SLK: variants seen among roughly 807,000 people sequenced by gnomAD.
SLK encodes the protein STE20-like serine/threonine-protein kinase.
In SLK, 67 loss-of-function variants were observed where a neutral mutation model predicts 147.7. The ratio of observed to expected loss-of-function variants is 0.45; its 90% CI spans 0.37 to 0.56. The LOEUF (loss-of-function observed/expected upper bound fraction) is 0.56. SLK is among the 20% of genes least tolerant of loss of function. The pLI is 0.00. For synonymous variants in SLK, 441 were observed against 475.0 expected, an observed-to-expected ratio of 0.93 and a Z score of 0.93; for missense variants, 1,136 against 1,438.8, an observed-to-expected ratio of 0.79 and a Z score of 3.41.
intron 2 of SLK, 52 bp from the exon 3 acceptor site, chr10:103,992,545 CA>C (rs1476724817): frequency 6.7e-7 from 1 of 1,484,934 alleles, no homozygotes; most frequent in Non-Finnish European, 9.0e-7. Flanking sequence ...TACTGAAACT[CA>C]AAACTCCATG....
intron 1 of SLK, among the ~76,000 whole-genome samples, chr10:103,976,329 A>G (rs1843870749): frequency 6.6e-6 from 1 of 152,306 alleles, no homozygotes; most frequent in Middle Eastern, 3.4e-3. Context: ...TAGGTTATAC[A>G]TATCTTCCAA....
At chr10:103,972,653 A>C (rs966384517) in intron 1 of SLK, among the ~76,000 whole-genome samples, 19 of 144,274 alleles carry the variant, frequency 1.3e-4, no homozygotes, top group South Asian at 4.6e-4. Context: ...GCCTGGGCGA[A>C]AGAGCAAGAC....
chr10:103,986,679 T>G (rs1215329841), intron 1 of SLK, among the ~76,000 whole-genome samples: 1 of 141,464 alleles, frequency 7.1e-6, no homozygotes, highest in African/African-American at 2.6e-5. Flanking sequence ...TTTTTTTTTT[T>G]TTTTTTTTTT....
Position 104,026,312 on chromosome 10 carries a change from T to A in SLK, c.*592T>A, listed in dbSNP as rs917560711. 4 of 152,672 alleles carry A rather than the reference T, an allele frequency of 2.6e-5. No individual in the cohort carries two copies. Among genetic ancestry groups the A allele is most frequent in the African/African-American group, 9.6e-5 (4 of 41,476 alleles). The allele number at this position is 152,672 out of a possible 1,614,324, so 9.5% of individuals were successfully genotyped here. A position where few individuals can be genotyped will look rare whatever the true frequency, so the allele number is the denominator to read the frequency against. On this transcript the variant is annotated 3_prime_UTR_variant, in exon 19 of 19. Coordinates refer to ENST00000369755, the MANE Select transcript of SLK (RefSeq NM_014720.4). The stretch of plus-strand genomic sequence containing the variant: ...AATTACCTCTTTTGGCATGAGCTAA[T>A]AATTGAGGGTGCTAATTTTCTTAAG...
Position 104,002,402 on chromosome 10 carries a change from A to G in SLK, c.1224A>G (p.Ala408=), listed in dbSNP as rs1307423261. ...NEHITDAQLE[A]MTELHDRTAV... The stretch of plus-strand genomic sequence containing the variant: ...ATATTACCGATGCTCAGTTAGAAGC[A>G]ATGACTGAACTCCATGACAGAACAG... The change falls in exon 9 of 19, where the codon GCA becomes GCG. Residue 408 remains alanine, a synonymous_variant. Transcript: ENST00000369755. 1.2e-6 allele frequency: 2 copies of G among 1,613,878 alleles called. No individual in the cohort carries two copies. The highest frequency in any genetic ancestry group is 1.7e-6 in the Non-Finnish European group (2 of 1,180,004).
At chr10:104,022,156 A>G (rs1844544112) in intron 18 of SLK, among the ~76,000 whole-genome samples, 1 of 152,072 alleles carries the variant, frequency 6.6e-6, no homozygotes, top group South Asian at 2.1e-4. Flanking sequence ...CGTACAGAGA[A>G]TTGTAGATCG....
Position 103,993,012 on chromosome 10 carries a change from A to G in SLK, c.393A>G (p.Gln131=), listed in dbSNP as rs1844121426. The part of the protein sequence containing the change: ...LELERPLTES[Q]IQVVCKQTLD... ...TTGAGAGACCATTAACTGAGTCCCAAATACAAGTAGTTTGCAAGCAGACTT... is the reference window on the plus strand; with the variant it reads ...TTGAGAGACCATTAACTGAGTCCCAGATACAAGTAGTTTGCAAGCAGACTT... The change falls in exon 4 of 19, where the codon CAA becomes CAG. Residue 131 remains glutamine (Q), a synonymous_variant. Coordinates refer to ENST00000369755, the MANE Select transcript of SLK (RefSeq NM_014720.4). 1.2e-6 allele frequency: 2 copies of G among 1,611,702 alleles called. No individual in the cohort carries two copies. Among genetic ancestry groups the G allele is most frequent in the Non-Finnish European group, 1.7e-6 (2 of 1,178,782 alleles).
chr10:103,999,459 A>C (rs537331762), intron 6 of SLK, 146 bp downstream of exon 6: 23 of 639,896 alleles, frequency 3.6e-5, no homozygotes, highest in Non-Finnish European at 6.1e-5. Flanking sequence ...GATTTTTGGT[A>C]TATTTCTCTT....
chr10:104,018,311 A>C, intron 14 of SLK, 22 bp downstream of exon 14: 2 of 1,586,294 alleles, frequency 1.3e-6, no homozygotes, highest in Non-Finnish European at 1.7e-6. Flanking sequence ...AAAATTAAGA[A>C]ATACTGCAAA....
At chr10:104,001,203 A>G (rs1255936014) in intron 7 of SLK, among the ~76,000 whole-genome samples, 1 of 152,070 alleles carries the variant, frequency 6.6e-6, no homozygotes, top group Non-Finnish European at 1.5e-5. Flanking sequence ...AATTCTTATC[A>G]TTTTTGATAA....
At chr10:104,022,671 G>A (rs1027797924) in intron 18 of SLK, among the ~76,000 whole-genome samples, 1 of 152,110 alleles carries the variant, frequency 6.6e-6, no homozygotes, top group Non-Finnish European at 1.5e-5. Context: ...GCAATGGTGC[G>A]ATCTCGGCTC....
chr10:103,999,173 C>T lies in SLK; in HGVS notation c.642C>T (p.Tyr214=). ...CATCTAAGGACAGACCCTATGACTA[C>T]AAAGCTGATGTTTGGTCCCTGGGTA... is the stretch of plus-strand genomic sequence containing the variant. ...CETSKDRPYD[Y]KADVWSLGIT... is the part of the protein sequence containing the mutation. Residue 214 remains tyrosine, a synonymous_variant, in exon 6 of 19, where the codon TAC becomes TAT. Coordinates refer to ENST00000369755, the MANE Select transcript of SLK (RefSeq NM_014720.4). 1 of 1,613,592 alleles carries T rather than the reference C, an allele frequency of 6.2e-7. No homozygotes were observed. The highest frequency in any genetic ancestry group is 8.5e-7 in the Non-Finnish European group (1 of 1,179,648).
At chr10:104,015,914 A>AT (rs34883333) in intron 13 of SLK, among the ~76,000 whole-genome samples, 2,439 of 150,220 alleles carry the variant, frequency 0.016, 64 homozygotes, top group African/African-American at 0.055. Flanking sequence ...GTCTACACAG[A>AT]TTTTTTTTTT....
chr10:104,007,794 AATAAAAAG>A (rs1195937608), intron 11 of SLK, among the ~76,000 whole-genome samples: 1 of 151,614 alleles, frequency 6.6e-6, no homozygotes, highest in Admixed American at 6.6e-5. Context: ...TAAATAAATA[AATAAAAAG>A]ATAAGTTGGT....
intron 1 of SLK, among the ~76,000 whole-genome samples, chr10:103,981,615 A>T (rs1238446588): frequency 1.3e-5 from 2 of 151,044 alleles, no homozygotes; most frequent in Non-Finnish European, 2.9e-5. Context: ...TCCTTTTCTC[A>T]TTGACTGGTC....
Position 104,019,780 on chromosome 10 carries a change from T to TG in SLK, c.3180dup (p.Lys1061GlufsTer18). The TG allele has an allele frequency of 6.2e-7, 1 of 1,614,072 alleles. No individual in the cohort carries two copies. The highest frequency in any genetic ancestry group is 8.5e-7 in the Non-Finnish European group (1 of 1,179,964). On this transcript the variant is annotated frameshift_variant, in exon 16 of 19. Transcript: ENST00000369755. LOFTEE classifies it high-confidence loss of function. The stretch of plus-strand genomic sequence containing the variant: ...TACAATCAAAGACTTATTGAGGAAT[T>TG]GAAAAACAGACAGACTCAAGAAAGA...
At chr10:103,996,728 G>A (rs921725299) in intron 4 of SLK, among the ~76,000 whole-genome samples, 1 of 152,002 alleles carries the variant, frequency 6.6e-6, no homozygotes, top group Non-Finnish European at 1.5e-5. Flanking sequence ...CAATATTCGA[G>A]TGCTTTCTTC....
At chr10:103,980,755 A>G (rs573474456) in intron 1 of SLK, among the ~76,000 whole-genome samples, 40 of 152,258 alleles carry the variant, frequency 2.6e-4, no homozygotes, top group Middle Eastern at 3.4e-3. Flanking sequence ...GATTGCTTGC[A>G]TGTTTTAGCT....
At chr10:103,977,201 T>C (rs995393337) in intron 1 of SLK, among the ~76,000 whole-genome samples, 3 of 151,838 alleles carry the variant, frequency 2.0e-5, no homozygotes, top group Non-Finnish European at 2.9e-5. Context: ...TATTTAATTC[T>C]TTTTCCTGAT....
Sources: gnomAD v4.1 joint callset for allele counts (sites outside exome capture counted in the v4.1 genomes callset) on GRCh38, gnomAD v4.1.1 for gene constraint, MANE v1.5 for transcripts, NCBI Gene and HGNC (gene_info 2026-07-23, HGNC 2026-07-21) for gene names.